FHIT: variants seen among roughly 807,000 people sequenced by gnomAD.
The protein encoded by FHIT is fragile histidine triad diadenosine triphosphatase.
Under a neutral mutation model 17.9 loss-of-function variants are expected in FHIT, and 19 were observed. That is an observed-to-expected ratio of 1.06 (90% CI 0.74 to 1.56). The LOEUF is 1.56. FHIT is among the 40% of genes most tolerant of loss of function. FHIT has a pLI of 0.00. For synonymous variants in FHIT, 81 were observed against 69.7 expected (o/e 1.16, Z -0.81); for missense variants, 248 against 189.2 (o/e 1.31, Z -1.82).
At chr3:59,852,222 T>C (rs1375721726) in intron 8 of FHIT, among the ~76,000 whole-genome samples, 1 of 152,172 alleles carries the variant, frequency 6.6e-6, no homozygotes, top group African/African-American at 2.4e-5. Flanking sequence ...TGGTGCTTTG[T>C]TCTTCGGGTA....
chr3:60,972,667 C>T (rs1022332994), intron 3 of FHIT, among the ~76,000 whole-genome samples: 1 of 151,934 alleles, frequency 6.6e-6, no homozygotes, highest in Non-Finnish European at 1.5e-5. Context: ...CCCATCTTCC[C>T]TGAAATCTCC....
At chr3:60,951,684 G>A (rs1708891606) in intron 3 of FHIT, among the ~76,000 whole-genome samples, 1 of 152,174 alleles carries the variant, frequency 6.6e-6, no homozygotes, top group Non-Finnish European at 1.5e-5. Context: ...CGGGAAATGG[G>A]TTAAGCATTA....
At chr3:61,214,585 G>A (rs1361359796) in intron 1 of FHIT, among the ~76,000 whole-genome samples, 2 of 152,064 alleles carry the variant, frequency 1.3e-5, no homozygotes, top group Admixed American at 6.6e-5. Flanking sequence ...GGTACAAGGA[G>A]GAACTGGTAC....
At chr3:60,757,933 T>C (rs1553718726) in intron 4 of FHIT, among the ~76,000 whole-genome samples, 2 of 152,186 alleles carry the variant, frequency 1.3e-5, no homozygotes, top group East Asian at 3.9e-4. Flanking sequence ...CCTCTGGATC[T>C]GCCCTCCACC....
intron 7 of FHIT, among the ~76,000 whole-genome samples, chr3:59,989,803 G>T (rs1215707163): frequency 6.6e-6 from 1 of 151,936 alleles, no homozygotes; most frequent in Non-Finnish European, 1.5e-5. Flanking sequence ...GTGTTCATCT[G>T]CCCAGATTCC....
chr3:59,758,731 T>C (rs374608548), intron 8 of FHIT, among the ~76,000 whole-genome samples: 1 of 152,152 alleles, frequency 6.6e-6, no homozygotes, highest in African/African-American at 2.4e-5. Context: ...CCTTTTAAAG[T>C]AAATTTAAGT....
chr3:60,102,935 G>C (rs868391937), intron 5 of FHIT, among the ~76,000 whole-genome samples: 1 of 152,182 alleles, frequency 6.6e-6, no homozygotes, highest in African/African-American at 2.4e-5. Flanking sequence ...ATTTGCGAAG[G>C]TGCCATATGG....
At chr3:60,092,843 C>A (rs1414383136) in intron 5 of FHIT, among the ~76,000 whole-genome samples, 1 of 152,186 alleles carries the variant, frequency 6.6e-6, no homozygotes, top group African/African-American at 2.4e-5. Context: ...TTATAATGAA[C>A]TTCCTCATGT....
chr3:60,391,461 T>G (rs2107154460), intron 5 of FHIT, among the ~76,000 whole-genome samples: 1 of 152,244 alleles, frequency 6.6e-6, no homozygotes, highest in Middle Eastern at 3.4e-3. Flanking sequence ...CAGTAATATC[T>G]TAGCCCTTCA....
intron 5 of FHIT, among the ~76,000 whole-genome samples, chr3:60,195,628 A>T (rs192004805): frequency 0.033 from 4,762 of 144,266 alleles, 106 homozygotes; most frequent in Middle Eastern, 0.11. Context: ...TATATATATT[A>T]ATATACATAT....
chr3:60,135,115 A>T (rs1206458963), intron 5 of FHIT, among the ~76,000 whole-genome samples: 1 of 152,146 alleles, frequency 6.6e-6, no homozygotes, highest in Admixed American at 6.6e-5. Context: ...ACAGAAGTGG[A>T]TGGACAACAG....
chr3:61,028,469 A>G (rs2032848392), intron 3 of FHIT, among the ~76,000 whole-genome samples: 2 of 152,170 alleles, frequency 1.3e-5, no homozygotes, highest in South Asian at 4.1e-4. Context: ...ACCTGCCTCA[A>G]AAGAAGCAAG....
chr3:60,141,974 A>T (rs1477014979), intron 5 of FHIT, among the ~76,000 whole-genome samples: 1 of 152,212 alleles, frequency 6.6e-6, no homozygotes, highest in Admixed American at 6.6e-5. Flanking sequence ...AGCTATTAGC[A>T]GTTGACATTT....
At chr3:60,772,314 CTATATATATATA>C (rs61056807) in intron 4 of FHIT, among the ~76,000 whole-genome samples, 2,879 of 143,254 alleles carry the variant, frequency 0.02, 98 homozygotes, top group Admixed American at 0.076. Context: ...CACTTCTCAT[CTATATATATATA>C]TATATATATA....
intron 5 of FHIT, among the ~76,000 whole-genome samples, chr3:60,068,859 T>C (rs528392390): frequency 6.6e-6 from 1 of 152,328 alleles, no homozygotes; most frequent in South Asian, 2.1e-4. Flanking sequence ...TAAGAATCTA[T>C]GCTAAATGAT....
At chr3:60,944,944 C>T (rs935094517) in intron 3 of FHIT, among the ~76,000 whole-genome samples, 2 of 152,108 alleles carry the variant, frequency 1.3e-5, no homozygotes, top group Non-Finnish European at 2.9e-5. Flanking sequence ...ATACAGAAGT[C>T]ATAAGATAGT....
intron 5 of FHIT, among the ~76,000 whole-genome samples, chr3:60,350,612 T>C (rs1321578979): frequency 6.6e-6 from 1 of 152,158 alleles, no homozygotes; most frequent in East Asian, 1.9e-4. Flanking sequence ...CTTCCTCCCA[T>C]TTCTTCTCCC....
chr3:60,070,526 C>T (rs1702720564), intron 5 of FHIT, among the ~76,000 whole-genome samples: 1 of 152,178 alleles, frequency 6.6e-6, no homozygotes, highest in African/African-American at 2.4e-5. Context: ...ACTACAGGAA[C>T]CCAATCCACA....
At chr3:60,187,208 G>A (rs903533966) in intron 5 of FHIT, among the ~76,000 whole-genome samples, 4 of 152,086 alleles carry the variant, frequency 2.6e-5, no homozygotes, top group African/African-American at 7.2e-5. Flanking sequence ...TGGAGTCAGC[G>A]TGCAAAATGT....
Sources: allele counts gnomAD v4.1 joint callset (sites outside exome capture counted in the v4.1 genomes callset), GRCh38; gene constraint gnomAD v4.1.1; transcripts MANE v1.5; gene names NCBI Gene and HGNC (gene_info 2026-07-23, HGNC 2026-07-21).